The following ACER3 variants were observed in gnomAD, a reference collection of about 807,000 sequenced individuals.
The protein encoded by ACER3 is alkaline ceramidase 3, also known as alkCDase 3.
In ACER3, 16 loss-of-function variants were observed where a neutral mutation model predicts 48.9. The ratio of observed to expected loss-of-function variants is 0.33; its 90% confidence interval spans 0.22 to 0.50. The LOEUF is 0.50. ACER3 is among the 20% of genes least tolerant of loss of function. The pLI, the probability that ACER3 is intolerant of heterozygous loss-of-function variation, is 0.98. For missense variants in ACER3, 227 were observed against 326.0 expected (o/e 0.70, Z 2.34); for synonymous variants, 109 against 107.8 (o/e 1.01, Z -0.07).
intron 2 of ACER3, among the ~76,000 whole-genome samples, chr11:76,930,585 T>C (rs952538350): frequency 1.3e-5 from 2 of 152,054 alleles, no homozygotes; most frequent in African/African-American, 2.4e-5. Flanking sequence ...TCTTTCCTGC[T>C]TTCTCTTTTG....
intron 7 of ACER3, among the ~76,000 whole-genome samples, chr11:77,000,630 G>T (rs1949013152): frequency 6.6e-6 from 1 of 152,140 alleles, no homozygotes; most frequent in Non-Finnish European, 1.5e-5. Flanking sequence ...TTTCCATGTG[G>T]ATGTCCAACT....
intron 2 of ACER3, chr11:76,955,414 G>A (rs1947813066): frequency 6.6e-6 from 1 of 152,424 alleles, no homozygotes; most frequent in Non-Finnish European, 1.5e-5. Context: ...TAGACTGGGT[G>A]GCTTAAGCAA....
chr11:76,874,061 C>A (rs1001163576), intron 1 of ACER3, among the ~76,000 whole-genome samples: 2 of 152,038 alleles, frequency 1.3e-5, no homozygotes, highest in African/African-American at 4.8e-5. Context: ...TAAGACCCAG[C>A]AAAATGATAG....
chr11:76,939,829 T>A (rs943189417), intron 2 of ACER3, among the ~76,000 whole-genome samples: 5 of 152,164 alleles, frequency 3.3e-5, no homozygotes, highest in Admixed American at 3.3e-4. Flanking sequence ...TTGTTCCAGA[T>A]TAAAAGAGAC....
At chr11:76,938,127 C>T (rs918260076) in intron 2 of ACER3, among the ~76,000 whole-genome samples, 2 of 152,106 alleles carry the variant, frequency 1.3e-5, no homozygotes, top group African/African-American at 2.4e-5. Context: ...AATCCTCCCA[C>T]CTTGGTCTTC....
chr11:76,990,486 T>G, intron 5 of ACER3, 53 bp from the exon 6 acceptor site: 2 of 1,299,766 alleles, frequency 1.5e-6, no homozygotes, highest in African/African-American at 1.4e-5. Context: ...AGTCGGTTTT[T>G]CCCCCCTTCA....
chr11:77,004,966 T>C (rs1555020549), intron 7 of ACER3, among the ~76,000 whole-genome samples: 1 of 151,994 alleles, frequency 6.6e-6, no homozygotes, highest in African/African-American at 2.4e-5. Flanking sequence ...TATTTTTTGT[T>C]TTCTATTTGT....
chr11:76,975,879 T>C (rs1292471792), intron 3 of ACER3, among the ~76,000 whole-genome samples: 174 of 141,286 alleles, frequency 1.2e-3, no homozygotes, highest in Non-Finnish European at 1.9e-3. Context: ...CTTTTCTTTT[T>C]TTTTTTTTTT....
intron 1 of ACER3, among the ~76,000 whole-genome samples, chr11:76,866,303 A>G (rs1945088353): frequency 6.6e-6 from 1 of 152,004 alleles, no homozygotes; most frequent in Admixed American, 6.5e-5. Flanking sequence ...CTGTTACTCA[A>G]TTTTGTAACA....
intron 1 of ACER3, among the ~76,000 whole-genome samples, chr11:76,868,989 C>T (rs1945172738): frequency 6.6e-6 from 1 of 152,220 alleles, no homozygotes; most frequent in East Asian, 1.9e-4. Context: ...ATCTCTTCTT[C>T]TGGCTGTTTA....
intron 3 of ACER3, among the ~76,000 whole-genome samples, chr11:76,962,131 C>T (rs1025172684): frequency 2.0e-5 from 3 of 150,892 alleles, no homozygotes; most frequent in African/African-American, 7.4e-5. Flanking sequence ...CTCACGGCAA[C>T]CTCTGCCTCC....
chr11:77,020,265 C>A lies in ACER3; in HGVS notation c.751-9C>A. 6.2e-7 allele frequency: 1 copy of A among 1,613,210 alleles called. No individual in the cohort carries two copies. The highest frequency in any genetic ancestry group is 8.5e-7 in the Non-Finnish European group (1 of 1,179,602). ...TTTTCTCATTTTGTCCTAATTTGTC[C>A]CCAAACAGTTTCTCTTTGGAATCTG... On this transcript the variant is annotated splice_polypyrimidine_tract_variant and intron_variant, in intron 10 of 10. Transcript: ENST00000532485.
chr11:76,883,438 C>CTTTTTTTTT (rs60656670), intron 1 of ACER3, among the ~76,000 whole-genome samples: 13 of 98,960 alleles, frequency 1.3e-4, no homozygotes, highest in Non-Finnish European at 2.1e-4. Context: ...GATTTTCTTG[C>CTTTTTTTTT]TTTTTTTTTT....
At chr11:76,888,784 A>G (rs1945737244) in intron 1 of ACER3, among the ~76,000 whole-genome samples, 1 of 152,148 alleles carries the variant, frequency 6.6e-6, no homozygotes, top group Non-Finnish European at 1.5e-5. Flanking sequence ...ACACATGATC[A>G]TGTATCTCTT....
At chr11:76,862,845 A>G (rs1035860769) in intron 1 of ACER3, among the ~76,000 whole-genome samples, 5 of 152,226 alleles carry the variant, frequency 3.3e-5, no homozygotes, top group Non-Finnish European at 5.9e-5. Flanking sequence ...TTTTCGAAGG[A>G]AAAAATTATT....
At chr11:76,949,653 T>C (rs1049224007) in intron 2 of ACER3, among the ~76,000 whole-genome samples, 9 of 152,200 alleles carry the variant, frequency 5.9e-5, no homozygotes, top group Admixed American at 5.2e-4. Context: ...TTAAATAACT[T>C]CTCCACTCTT....
At chr11:77,001,571 T>G (rs1589126) in intron 7 of ACER3, among the ~76,000 whole-genome samples, 108,146 of 152,060 alleles carry the variant, frequency 0.71, 38,861 homozygotes, top group Non-Finnish European at 0.77. Context: ...GATTTGTTTT[T>G]AAGATTTGCT....
intron 2 of ACER3, among the ~76,000 whole-genome samples, chr11:76,938,388 G>A (rs1404874310): frequency 1.3e-5 from 2 of 152,090 alleles, no homozygotes; most frequent in East Asian, 1.9e-4. Flanking sequence ...GTACTATCAC[G>A]GCTTACTGCG....
intron 1 of ACER3, among the ~76,000 whole-genome samples, chr11:76,918,930 G>T (rs1946608877): frequency 1.3e-5 from 2 of 152,060 alleles, no homozygotes; most frequent in Admixed American, 1.3e-4. Context: ...CTCTGGGAAT[G>T]TTTAACATTA....
Sources: allele counts gnomAD v4.1 joint callset (sites outside exome capture counted in the v4.1 genomes callset), GRCh38; gene constraint gnomAD v4.1.1; transcripts MANE v1.5; gene names NCBI Gene and HGNC (gene_info 2026-07-23, HGNC 2026-07-21).